Variants in ANO3 observed in about 807,000 individuals in gnomAD.
The protein encoded by ANO3 is anoctamin-3.
Under a neutral mutation model 144.8 loss-of-function variants are expected in ANO3, and 99 were observed. The ratio of observed to expected loss-of-function variants is 0.68; its 90% CI spans 0.58 to 0.81. The LOEUF is 0.81. Ranked by LOEUF, ANO3 falls within the 30% of genes least tolerant of loss-of-function variation. The pLI is 0.00. For missense variants in ANO3, 905 were observed against 1,202.2 expected (o/e 0.75, Z 3.66); for synonymous variants, 414 against 392.6 (o/e 1.05, Z -0.64).
At chr11:26,452,885 C>T (rs1859001675) in intron 3 of ANO3, among the ~76,000 whole-genome samples, 1 of 152,188 alleles carries the variant, frequency 6.6e-6, no homozygotes, top group Non-Finnish European at 1.5e-5. Flanking sequence ...GATCTCTCGG[C>T]AGAAACTCTA....
At chr11:26,258,913 T>C (rs754027901) in intron 1 of ANO3, among the ~76,000 whole-genome samples, 10 of 152,248 alleles carry the variant, frequency 6.6e-5, no homozygotes, top group Admixed American at 1.3e-4. Context: ...GAATATCTAC[T>C]GTGGGCACTA....
intron 1 of ANO3, among the ~76,000 whole-genome samples, chr11:26,440,041 T>G (rs960875768): frequency 2.0e-5 from 3 of 152,118 alleles, no homozygotes; most frequent in African/African-American, 7.2e-5. Flanking sequence ...CTTTGCCTCA[T>G]GTGGTGTGAA....
At chr11:26,484,003 C>T (rs964963270) in intron 4 of ANO3, among the ~76,000 whole-genome samples, 2 of 152,116 alleles carry the variant, frequency 1.3e-5, no homozygotes, top group African/African-American at 2.4e-5. Context: ...GTCATTATGT[C>T]CCTGCTCTAG....
At chr11:26,272,571 G>A (rs573969931) in intron 1 of ANO3, among the ~76,000 whole-genome samples, 1 of 152,240 alleles carries the variant, frequency 6.6e-6, no homozygotes, top group African/African-American at 2.4e-5. Flanking sequence ...TGAACCATCT[G>A]AAGTGACAAA....
intron 9 of ANO3, among the ~76,000 whole-genome samples, chr11:26,536,249 G>A (rs1187092593): frequency 1.1e-4 from 17 of 151,392 alleles, no homozygotes; most frequent in Admixed American, 1.1e-3. Flanking sequence ...AACCCGGGAA[G>A]TGAAGGTTGC....
chr11:26,454,012 T>C (rs370749652), intron 3 of ANO3, among the ~76,000 whole-genome samples: 347 of 152,152 alleles, frequency 2.3e-3, no homozygotes, highest in Non-Finnish European at 4.1e-3. Context: ...GAAATAAAGA[T>C]GTTCTTTGAA....
At chr11:26,346,405 A>G (rs1855496348) in intron 1 of ANO3, among the ~76,000 whole-genome samples, 2 of 152,190 alleles carry the variant, frequency 1.3e-5, no homozygotes, top group South Asian at 2.1e-4. Flanking sequence ...GTTTCAGGCT[A>G]TATCTCACTT....
intron 14 of ANO3, among the ~76,000 whole-genome samples, chr11:26,581,485 T>C (rs7118116): frequency 0.46 from 68,953 of 151,348 alleles, 16,009 homozygotes; most frequent in South Asian, 0.63. Context: ...GGTCAGGAGT[T>C]CGAGACCACC....
At chr11:26,364,296 C>T (rs1564983859) in intron 1 of ANO3, among the ~76,000 whole-genome samples, 1 of 152,140 alleles carries the variant, frequency 6.6e-6, no homozygotes, top group African/African-American at 2.4e-5. Flanking sequence ...ACATGGGGAT[C>T]AGACCTACTC....
At chr11:26,364,022 T>A (rs967325805) in intron 1 of ANO3, among the ~76,000 whole-genome samples, 1 of 152,184 alleles carries the variant, frequency 6.6e-6, no homozygotes, top group East Asian at 1.9e-4. Flanking sequence ...GTACATTAAT[T>A]TGTGATATTA....
At chr11:26,363,434 G>C (rs1855979851) in intron 1 of ANO3, among the ~76,000 whole-genome samples, 1 of 150,416 alleles carries the variant, frequency 6.6e-6, no homozygotes, top group South Asian at 2.1e-4. Flanking sequence ...CTCTCTCCTT[G>C]ACGTGCAGAT....
At chr11:26,342,672 C>G (rs11029528) in intron 1 of ANO3, among the ~76,000 whole-genome samples, 4 of 152,118 alleles carry the variant, frequency 2.6e-5, no homozygotes. Context: ...AACTTTGTAA[C>G]TAATATATTT....
chr11:26,503,238 C>A (rs1861270789), intron 4 of ANO3, among the ~76,000 whole-genome samples: 1 of 152,120 alleles, frequency 6.6e-6, no homozygotes, highest in South Asian at 2.1e-4. Flanking sequence ...AAATCAAATG[C>A]ACTCCACATT....
intron 20 of ANO3, among the ~76,000 whole-genome samples, chr11:26,635,275 A>G (rs1235550338): frequency 6.6e-6 from 1 of 152,078 alleles, no homozygotes; most frequent in Non-Finnish European, 1.5e-5. Context: ...CCTCAGCTCT[A>G]TTTTTTTAAT....
At chr11:26,595,457 G>GTTTTTTTTTTTTTTTTTT (rs1411703035) in intron 14 of ANO3, among the ~76,000 whole-genome samples, 2 of 67,850 alleles carry the variant, frequency 2.9e-5, no homozygotes, top group African/African-American at 6.5e-5. Flanking sequence ...TTGAGATAGA[G>GTTTTTTTTTTTTTTTTTT]TTGTTTTTTT....
intron 3 of ANO3, among the ~76,000 whole-genome samples, chr11:26,450,827 A>G (rs528162261): frequency 1.3e-5 from 2 of 152,350 alleles, no homozygotes; most frequent in South Asian, 4.1e-4. Context: ...AAACAATGCA[A>G]TGTAACGGAG....
chr11:26,500,812 C>T (rs1213501770), intron 4 of ANO3, among the ~76,000 whole-genome samples: 1 of 150,448 alleles, frequency 6.6e-6, no homozygotes, highest in East Asian at 1.9e-4. Flanking sequence ...AAGAAAAACA[C>T]CCGGTTTTGC....
intron 1 of ANO3, among the ~76,000 whole-genome samples, chr11:26,333,515 C>T (rs1177955619): frequency 6.6e-6 from 1 of 152,084 alleles, no homozygotes; most frequent in Non-Finnish European, 1.5e-5. Context: ...ATCTCCTGAC[C>T]TCGTGATCCG....
At chr11:26,309,408 A>C, upstream of ANO3, among the ~76,000 whole-genome samples, 1 of 152,196 alleles carries the variant, frequency 6.6e-6, no homozygotes, top group Non-Finnish European at 1.5e-5. Context: ...CAGCTAAATC[A>C]GCTTGCATAA....
Sources: allele counts gnomAD v4.1 joint callset (sites outside exome capture counted in the v4.1 genomes callset), GRCh38; gene constraint gnomAD v4.1.1; transcripts MANE v1.5; gene names NCBI Gene and HGNC (gene_info 2026-07-23, HGNC 2026-07-21).